Variants in PARN observed in about 807,000 individuals in gnomAD.
PARN encodes poly(A)-specific ribonuclease, also known as poly(A)-specific ribonuclease PARN.
PARN carries 71 observed loss-of-function variants against 102.8 expected under a neutral mutation model. The observed-to-expected ratio is 0.69, with a 90% confidence interval of 0.57 to 0.84. The LOEUF is 0.84. Among genes scored for constraint, PARN ranks in the 40% least tolerant of loss-of-function variants. The pLI is 0.00. For missense variants in PARN, 782 were observed against 760.9 expected (o/e 1.03, Z -0.33); for synonymous variants, 261 against 252.9 (o/e 1.03, Z -0.30).
At chr16:14,582,667 C>A (rs1969604740) in intron 16 of PARN, among the ~76,000 whole-genome samples, 1 of 151,856 alleles carries the variant, frequency 6.6e-6, no homozygotes, top group South Asian at 2.1e-4. Flanking sequence ...TCACATCAGG[C>A]CACAATAGAT....
chr16:14,464,240 C>T (rs1201995605), intron 22 of PARN, among the ~76,000 whole-genome samples: 1 of 152,020 alleles, frequency 6.6e-6, no homozygotes, highest in Admixed American at 6.5e-5. Context: ...ATTACCAGGG[C>T]ACATCATAAC....
chr16:14,473,274 T>G (rs1028253724), intron 22 of PARN, among the ~76,000 whole-genome samples: 3 of 152,196 alleles, frequency 2.0e-5, no homozygotes, highest in African/African-American at 7.2e-5. Context: ...TTTTTAAAAA[T>G]TATGTGCATT....
chr16:14,444,596 A>G (rs1961106897), intron 23 of PARN, among the ~76,000 whole-genome samples: 1 of 152,202 alleles, frequency 6.6e-6, no homozygotes, highest in Admixed American at 6.5e-5. Flanking sequence ...CTTGTCCCTG[A>G]GGAGTAATAA....
At position 14,482,618 on chromosome 16, in the gene PARN, T is replaced by G; in HGVS notation, c.1670+20A>C. 6.5e-7 allele frequency: 1 copy of G among 1,550,270 alleles called. No homozygotes were observed. The highest frequency in any genetic ancestry group is 8.7e-7 in the Non-Finnish European group (1 of 1,147,928). On this transcript the variant is annotated intron_variant, in intron 22 of 23. Transcript: ENST00000437198. ...TTGCTAGAACTCTGGCCTTTTAAAT[T>G]AACAGCTGAGAGCTCTTACCTATTG...
chr16:14,530,364 G>A (rs1966257740), intron 21 of PARN, among the ~76,000 whole-genome samples: 1 of 152,064 alleles, frequency 6.6e-6, no homozygotes, highest in South Asian at 2.1e-4. Flanking sequence ...CCGCCACAGT[G>A]CTTTGCACAC....
rs759287643 is a variant in PARN at position 14,604,206 on chromosome 16, G to A, written c.723C>T (p.Ile241=). The change falls in exon 11 of 24, where the codon ATC becomes ATT. Residue 241 remains isoleucine, a synonymous_variant. Transcript: ENST00000437198. The part of the protein sequence containing the change: ...ETEKKERYIV[I]SKVDEEERKR... ...TGCGTTCTTCTTCATCTACTTTGCT[G>A]ATAACTATATATCGCTCCTTCTAAA... The A allele has an allele frequency of 1.6e-5, 25 of 1,593,920 alleles. No individual in the cohort carries two copies. Among genetic ancestry groups the A allele is most frequent in the Non-Finnish European group, 2.0e-5 (23 of 1,166,836 alleles).
intron 23 of PARN, 62 bp downstream of exon 23, chr16:14,446,826 G>A (rs1961219816): frequency 8.4e-7 from 1 of 1,183,540 alleles, no homozygotes; most frequent in African/African-American, 1.6e-5. Flanking sequence ...CCCCAAAATA[G>A]GAGTTTCTAG....
intron 5 of PARN, among the ~76,000 whole-genome samples, chr16:14,619,168 A>C (rs546844357): frequency 6.6e-6 from 1 of 152,270 alleles, no homozygotes; most frequent in Non-Finnish European, 1.5e-5. Flanking sequence ...ATGCCACTGC[A>C]CTCCAGCCTG....
chr16:14,598,796 C>T (rs574504804), intron 12 of PARN, among the ~76,000 whole-genome samples: 1 of 152,150 alleles, frequency 6.6e-6, no homozygotes, highest in Non-Finnish European at 1.5e-5. Context: ...TGTTTACAAG[C>T]CTGCAGCTGG....
chr16:14,476,391 C>G (rs557024310), intron 22 of PARN, among the ~76,000 whole-genome samples: 2 of 152,308 alleles, frequency 1.3e-5, no homozygotes, highest in Non-Finnish European at 2.9e-5. Context: ...TGGCTACCAT[C>G]TTGGACAGTA....
intron 5 of PARN, among the ~76,000 whole-genome samples, chr16:14,625,968 A>G (rs967407846): frequency 6.6e-6 from 1 of 152,218 alleles, no homozygotes; most frequent in African/African-American, 2.4e-5. Context: ...CAGATAATCA[A>G]AAGAGCAGAA....
intron 21 of PARN, among the ~76,000 whole-genome samples, chr16:14,528,738 T>C (rs1312946780): frequency 6.6e-6 from 1 of 152,184 alleles, no homozygotes; most frequent in African/African-American, 2.4e-5. Flanking sequence ...TCTTCTCCAC[T>C]TTAACCTCTG....
Position 14,485,751 on chromosome 16 carries a change from C to T in PARN, c.1481-2924G>A, listed in dbSNP as rs1227403671. Among the ~76,000 whole-genome samples the T allele has an allele frequency of 6.6e-5, 10 of 151,978 alleles. No individual in the cohort carries two copies. In the East Asian group the frequency reaches 1.7e-3, roughly 26 times the overall value. ...CGCCTACGCTGGAGTATAGTGGCGC[C>T]ATCTAGGCTCATTGCAACCTCCGCC... On this transcript the variant is annotated intron_variant, in intron 21 of 23. Coordinates refer to ENST00000437198, the MANE Select transcript of PARN (RefSeq NM_002582.4).
chr16:14,489,367 C>T (rs961495310), intron 21 of PARN, among the ~76,000 whole-genome samples: 1 of 144,056 alleles, frequency 6.9e-6, no homozygotes, highest in Admixed American at 7.4e-5. Context: ...ATCGCTTGAA[C>T]ATGTGAGGCA....
intron 22 of PARN, among the ~76,000 whole-genome samples, chr16:14,477,454 CAT>C (rs1213969258): frequency 7.3e-6 from 1 of 136,318 alleles, no homozygotes; most frequent in Non-Finnish European, 1.6e-5. Context: ...AAAAAAAAAA[CAT>C]AACCCTGATA....
intron 21 of PARN, among the ~76,000 whole-genome samples, chr16:14,525,266 C>G (rs892657203): frequency 3.9e-5 from 6 of 152,146 alleles, no homozygotes; most frequent in Non-Finnish European, 7.4e-5. Flanking sequence ...TCCCTCCCAC[C>G]TGAAAGATAA....
intron 18 of PARN, among the ~76,000 whole-genome samples, chr16:14,574,867 T>C (rs913714834): frequency 6.6e-6 from 1 of 151,678 alleles, no homozygotes; most frequent in Admixed American, 6.6e-5. Flanking sequence ...GGCCCAGAAG[T>C]TTAGGAGGAA....
chr16:14,540,710 T>A (rs762413579), intron 21 of PARN, among the ~76,000 whole-genome samples: 10 of 152,122 alleles, frequency 6.6e-5, no homozygotes, highest in Non-Finnish European at 1.2e-4. Context: ...GGCAGATTGC[T>A]GGAGGCTGAG....
intron 21 of PARN, among the ~76,000 whole-genome samples, chr16:14,541,771 C>T (rs1966841950): frequency 6.6e-6 from 1 of 152,106 alleles, no homozygotes; most frequent in Non-Finnish European, 1.5e-5. Context: ...GCCACTGCAC[C>T]AGGCCAATTA....
Sources: allele counts gnomAD v4.1 joint callset (sites outside exome capture counted in the v4.1 genomes callset), GRCh38; gene constraint gnomAD v4.1.1; transcripts MANE v1.5; gene names NCBI Gene and HGNC (gene_info 2026-07-23, HGNC 2026-07-21).